Variants in PTPRG observed in about 807,000 individuals in gnomAD.
PTPRG encodes the protein receptor-type tyrosine-protein phosphatase gamma.
PTPRG carries 102 observed loss-of-function variants against 165.3 expected under a neutral mutation model. That is an observed-to-expected ratio of 0.62 (90% confidence interval 0.53 to 0.73). The LOEUF (loss-of-function observed/expected upper bound fraction) is 0.73. PTPRG is among the 30% of genes least tolerant of loss of function. The probability of loss-of-function intolerance (pLI) is 0.00; values close to 1 mark genes in which losing one functional copy is unlikely to be tolerated. For missense variants in PTPRG, 1,866 were observed against 1,861.4 expected, an observed-to-expected ratio of 1.00 and a Z score of -0.05; for synonymous variants, 675 against 669.5, an observed-to-expected ratio of 1.01 and a Z score of -0.13.
At chr3:62,175,905 A>AG (rs1179623710) in intron 8 of PTPRG, among the ~76,000 whole-genome samples, 3 of 152,184 alleles carry the variant, frequency 2.0e-5, no homozygotes, top group African/African-American at 7.2e-5. Flanking sequence ...AGGTAAACAA[A>AG]GGGGGAAGCA....
chr3:62,289,704 C>CCG (rs1702807780), intron 28 of PTPRG, among the ~76,000 whole-genome samples: 1 of 139,656 alleles, frequency 7.2e-6, no homozygotes, highest in Non-Finnish European at 1.6e-5. Flanking sequence ...ATGATCCCCC[C>CCG]CCCCCAAAAA....
intron 2 of PTPRG, among the ~76,000 whole-genome samples, chr3:61,797,747 G>A: frequency 6.6e-6 from 1 of 152,086 alleles, no homozygotes; most frequent in East Asian, 1.9e-4. Context: ...GTATGCTGGT[G>A]TTAGATCATG....
intron 1 of PTPRG, among the ~76,000 whole-genome samples, chr3:61,631,608 G>T (rs1701777443): frequency 6.6e-6 from 1 of 152,108 alleles, no homozygotes; most frequent in Non-Finnish European, 1.5e-5. Flanking sequence ...GATAAGGAGT[G>T]GGTCTGCTTT....
intron 3 of PTPRG, among the ~76,000 whole-genome samples, chr3:61,997,908 A>C (rs2041077526): frequency 6.6e-6 from 1 of 152,162 alleles, no homozygotes; most frequent in East Asian, 1.9e-4. Context: ...ATATTGTGGA[A>C]GGTGGTCTGG....
chr3:61,884,501 A>T (rs766055476), intron 2 of PTPRG, among the ~76,000 whole-genome samples: 1 of 152,244 alleles, frequency 6.6e-6, no homozygotes, highest in East Asian at 1.9e-4. Flanking sequence ...TGCCTAGAAG[A>T]AAAGACTATG....
At chr3:61,626,968 C>T (rs926646663) in intron 1 of PTPRG, among the ~76,000 whole-genome samples, 9 of 152,132 alleles carry the variant, frequency 5.9e-5, no homozygotes, top group African/African-American at 2.2e-4. Context: ...ACAAATGATC[C>T]TGTTATATCC....
chr3:61,955,089 G>A (rs957334173), intron 2 of PTPRG, among the ~76,000 whole-genome samples: 12 of 152,330 alleles, frequency 7.9e-5, no homozygotes, highest in Admixed American at 5.9e-4. Flanking sequence ...GTTATTGAAT[G>A]TATACTGTGG....
intron 4 of PTPRG, among the ~76,000 whole-genome samples, chr3:62,009,506 C>G (rs1302893773): frequency 6.6e-6 from 1 of 152,228 alleles, no homozygotes; most frequent in East Asian, 1.9e-4. Flanking sequence ...CTTCTCCTGT[C>G]TGCTCAAATC....
chr3:62,123,304 G>A (rs186619632), intron 5 of PTPRG, among the ~76,000 whole-genome samples: 55 of 152,204 alleles, frequency 3.6e-4, no homozygotes, highest in Non-Finnish European at 5.1e-4. Context: ...ACTTCCTTTT[G>A]GCATTATCAT....
chr3:61,699,028 G>A (rs998488843), intron 1 of PTPRG, among the ~76,000 whole-genome samples: 14 of 152,062 alleles, frequency 9.2e-5, no homozygotes, highest in African/African-American at 3.4e-4. Context: ...TGTGGGGTGG[G>A]GGGAGCGGGG....
At chr3:62,149,565 C>CGG (rs1576065522) in intron 6 of PTPRG, among the ~76,000 whole-genome samples, 2 of 152,308 alleles carry the variant, frequency 1.3e-5, no homozygotes, top group African/African-American at 4.8e-5. Flanking sequence ...CCACTGCGCC[C>CGG]GGCCATCTTC....
At position 62,078,259 on chromosome 3, in the gene PTPRG, G is replaced by A; in HGVS notation, c.615+1G>A. The A allele has an allele frequency of 6.3e-7, 1 of 1,580,696 alleles. No individual in the cohort carries two copies. Among genetic ancestry groups the A allele is most frequent in the Non-Finnish European group, 8.6e-7 (1 of 1,159,338 alleles). ...CGGAGCCATGGCCATATTTTTTCAA[G>A]TAAGTTAACAGTGGCTGAAGTACTT... On this transcript the variant is annotated splice_donor_variant, in intron 5 of 29. Transcript: ENST00000474889. LOFTEE classifies it high-confidence loss of function.
At chr3:61,761,849 C>G (rs2033846999) in intron 2 of PTPRG, among the ~76,000 whole-genome samples, 2 of 152,198 alleles carry the variant, frequency 1.3e-5, no homozygotes, top group Admixed American at 6.5e-5. Flanking sequence ...TTTAGTAGCT[C>G]TGCCCCAATT....
chr3:61,859,132 G>A (rs1234944799), intron 2 of PTPRG, among the ~76,000 whole-genome samples: 1 of 152,090 alleles, frequency 6.6e-6, no homozygotes, highest in Non-Finnish European at 1.5e-5. Context: ...AAGGAATGAT[G>A]TGTCACTCCT....
At chr3:61,877,630 C>A (rs1290558128) in intron 2 of PTPRG, among the ~76,000 whole-genome samples, 14 of 152,150 alleles carry the variant, frequency 9.2e-5, no homozygotes, top group Non-Finnish European at 2.1e-4. Context: ...TGCTTACTTG[C>A]ACATCGGAAA....
chr3:62,077,453 AT>A (rs962764653), intron 4 of PTPRG, among the ~76,000 whole-genome samples: 4 of 151,812 alleles, frequency 2.6e-5, no homozygotes, highest in African/African-American at 9.7e-5. Context: ...TTCTGCCCTA[AT>A]TTTTTTTACA....
Position 62,229,483 on chromosome 3 carries a change from A to T in PTPRG, c.2289-1742A>T, listed in dbSNP as rs1700844210. ...ATAGTCATTAGACAAAAGCGGAAAG[A>T]GATTCACTGCTAAAGGTTGCCAGTT... On this transcript the variant is annotated intron_variant, in intron 13 of 29. Transcript: ENST00000474889. The surrounding 1 kb of genome is among the most constrained non-coding windows in gnomAD (Gnocchi z 4.6). Among the ~76,000 whole-genome samples the T allele has an allele frequency of 6.6e-6, 1 of 152,214 alleles. No homozygotes were observed.
At chr3:62,124,729 A>G (rs1376926080) in intron 5 of PTPRG, 2 of 520,302 alleles carry the variant, frequency 3.8e-6, no homozygotes, top group Non-Finnish European at 6.9e-6. Flanking sequence ...CACACTGGCT[A>G]ATTTTTAAAA....
At chr3:61,828,646 A>G (rs896094479) in intron 2 of PTPRG, among the ~76,000 whole-genome samples, 2 of 152,206 alleles carry the variant, frequency 1.3e-5, no homozygotes, top group Admixed American at 6.5e-5. Flanking sequence ...GGGAGGAGTG[A>G]CTACACATGG....
Sources: gnomAD v4.1 joint callset for allele counts (sites outside exome capture counted in the v4.1 genomes callset) on GRCh38, gnomAD v4.1.1 for gene constraint, Gnocchi (gnomAD v3.1) non-coding constraint, MANE v1.5 for transcripts, NCBI Gene and HGNC (gene_info 2026-07-23, HGNC 2026-07-21) for gene names.